Variants in ZNF638 observed in about 807,000 individuals in gnomAD.
ZNF638 encodes zinc finger protein 638.
A neutral mutation model predicts 195.6 loss-of-function variants in ZNF638; 46 were observed. The observed-to-expected ratio is 0.24, with a 90% CI of 0.19 to 0.30. ZNF638 has a LOEUF of 0.30. Ranked by LOEUF, ZNF638 falls within the 10% of genes least tolerant of loss-of-function variation. ZNF638 has a pLI of 1.00. For synonymous variants in ZNF638, 845 were observed against 772.0 expected (o/e 1.09, Z -1.57); for missense variants, 2,440 against 2,325.3 (o/e 1.05, Z -1.01).
intron 19 of ZNF638, 85 bp downstream of exon 19, chr2:71,406,347 C>A (rs974515952): frequency 4.2e-6 from 5 of 1,186,422 alleles, no homozygotes; most frequent in African/African-American, 3.0e-5. Context: ...AACTTCTGAT[C>A]TGAAGCACCT....
At chr2:71,369,737 G>A (rs2079275120) in intron 7 of ZNF638, 146 bp from the exon 8 acceptor site, 5 of 693,952 alleles carry the variant, frequency 7.2e-6, no homozygotes, top group Admixed American at 3.9e-5. Context: ...AATTATACTT[G>A]ACCAAAATAA....
chr2:71,417,249 T>A (rs1291062487), intron 20 of ZNF638, among the ~76,000 whole-genome samples: 1 of 151,638 alleles, frequency 6.6e-6, no homozygotes, highest in African/African-American at 2.4e-5. Flanking sequence ...TCCAGGTGCG[T>A]CCGTCACCCC....
At chr2:71,333,043 T>C (rs1269557705) in intron 1 of ZNF638, 2 of 152,146 alleles carry the variant, frequency 1.3e-5, no homozygotes, top group Non-Finnish European at 2.9e-5. Flanking sequence ...CAATTAAAAA[T>C]TGATAACCTG....
chr2:71,388,602 T>C (rs1159367842), intron 10 of ZNF638: 1 of 789,340 alleles, frequency 1.3e-6, no homozygotes, highest in South Asian at 1.3e-5. Context: ...TGCGTACTTT[T>C]TTCATCCGTC....
rs1172445307 is a variant in ZNF638, at chr2:71,386,648, C to G, written c.2377+6083C>G. 2.0e-5 allele frequency among the ~76,000 whole-genome samples: 3 copies of G among 151,966 alleles called. No individual in the cohort carries two copies. In the East Asian group the frequency reaches 5.8e-4, roughly 29 times the overall value. On this transcript the variant is annotated intron_variant, in intron 10 of 27. Transcript: ENST00000264447. ...TACAGTGCTATTTAATTATAATTACCCATCTTAATTCTCTAATATGTCATG... is the reference window on the plus strand; with the variant it reads ...TACAGTGCTATTTAATTATAATTACGCATCTTAATTCTCTAATATGTCATG...
In ZNF638 at chr2:71,433,270, A is replaced by G; in HGVS notation, c.5858A>G (p.Lys1953Arg). Residue 1953 changes from lysine (K) to arginine (R), a missense_variant, in exon 27 of 28, where the codon AAG (lysine) becomes AGG (arginine). Physicochemically the swap from Lys to Arg is conservative, Grantham distance 26 (BLOSUM62 2). Around this residue, in one of 5 missense-constraint regions of ZNF638, gnomAD observed 1,883 missense variants for 1,739.1 expected, o/e 1.08. Coordinates refer to ENST00000264447, the MANE Select transcript of ZNF638 (RefSeq NM_014497.5). ...MTNHCKSTRH[K>R]QNTEKFMAKQ... ...AATCACTGCAAGAGTACACGTCATA[A>G]GCAAAATACTGAGGTAATTTTAAAA... 1 of 1,610,624 alleles carries G rather than the reference A, an allele frequency of 6.2e-7. No individual in the cohort carries two copies. Among genetic ancestry groups the G allele is most frequent in the South Asian group, 1.1e-5 (1 of 90,660 alleles).
At chr2:71,376,162 C>T (rs571396151) in intron 8 of ZNF638, 1 of 152,266 alleles carries the variant, frequency 6.6e-6, no homozygotes, top group South Asian at 2.1e-4. Context: ...ATTTTCATAG[C>T]AATGAATAGG....
intron 17 of ZNF638, among the ~76,000 whole-genome samples, chr2:71,404,295 C>G (rs1029917961): frequency 6.6e-6 from 1 of 152,212 alleles, no homozygotes; most frequent in Non-Finnish European, 1.5e-5. Context: ...AACTAGAATT[C>G]TGGAAGTTAT....
At chr2:71,404,293 T>C (rs2080062240) in intron 17 of ZNF638, among the ~76,000 whole-genome samples, 1 of 152,248 alleles carries the variant, frequency 6.6e-6, no homozygotes, top group African/African-American at 2.4e-5. Context: ...TAAACTAGAA[T>C]TCTGGAAGTT....
At chr2:71,385,798 C>T (rs1168997319) in intron 10 of ZNF638, among the ~76,000 whole-genome samples, 1 of 152,090 alleles carries the variant, frequency 6.6e-6, no homozygotes, top group African/African-American at 2.4e-5. Flanking sequence ...TGTGAATTTA[C>T]AATTATCTCA....
chr2:71,372,245 AC>A (rs1348041497), intron 8 of ZNF638, among the ~76,000 whole-genome samples: 1 of 152,004 alleles, frequency 6.6e-6, no homozygotes, highest in Non-Finnish European at 1.5e-5. Context: ...GTCCTAGACT[AC>A]CTTTCAGGTT....
intron 1 of ZNF638, among the ~76,000 whole-genome samples, chr2:71,335,539 C>G (rs531856000): frequency 1.3e-5 from 2 of 150,482 alleles, no homozygotes; most frequent in East Asian, 3.9e-4. Context: ...AATATTTTTA[C>G]CAAAAAAAAA....
intron 25 of ZNF638, 81 bp from the exon 26 acceptor site, chr2:71,431,246 A>T: frequency 8.0e-7 from 1 of 1,256,534 alleles, no homozygotes; most frequent in Non-Finnish European, 1.1e-6. Context: ...TGAGAAAGAA[A>T]AAGGTAAGAA....
intron 3 of ZNF638, among the ~76,000 whole-genome samples, chr2:71,357,840 G>A (rs888000561): frequency 5.9e-5 from 9 of 151,968 alleles, no homozygotes; most frequent in Admixed American, 1.3e-4. Flanking sequence ...ATTGCACTTC[G>A]ATTTATTGTA....
intron 8 of ZNF638, among the ~76,000 whole-genome samples, chr2:71,377,475 A>G (rs943666401): frequency 5.9e-5 from 9 of 152,216 alleles, no homozygotes; most frequent in Non-Finnish European, 1.0e-4. Context: ...GCGTTAGTGA[A>G]TATTTGAGCA....
At chr2:71,351,422 G>C (rs569843474) in intron 2 of ZNF638, among the ~76,000 whole-genome samples, 8 of 152,238 alleles carry the variant, frequency 5.3e-5, no homozygotes, top group African/African-American at 1.9e-4. Context: ...CCATCAGAAG[G>C]GATAGCAAAG....
chr2:71,406,365 T>C, intron 19 of ZNF638, 103 bp downstream of exon 19: 3 of 1,017,258 alleles, frequency 2.9e-6, no homozygotes, highest in Admixed American at 2.3e-5. Context: ...CCTGTAAATA[T>C]TACTCAACCA....
chr2:71,376,641 C>A (rs2079431671), intron 8 of ZNF638, among the ~76,000 whole-genome samples: 1 of 152,128 alleles, frequency 6.6e-6, no homozygotes, highest in African/African-American at 2.4e-5. Context: ...TTAGGACTGC[C>A]TCTAACTCTA....
At chr2:71,384,129 C>CAT (rs1261542938) in intron 10 of ZNF638, among the ~76,000 whole-genome samples, 2 of 152,096 alleles carry the variant, frequency 1.3e-5, no homozygotes, top group East Asian at 3.9e-4. Context: ...GTGGCGGATC[C>CAT]ATATTAGTTT....
Sources: gnomAD v4.1 joint callset for allele counts (sites outside exome capture counted in the v4.1 genomes callset) on GRCh38, gnomAD v4.1.1 for gene constraint, gnomAD v4.1.1 regional missense constraint, MANE v1.5 for transcripts, NCBI Gene and HGNC (gene_info 2026-07-23, HGNC 2026-07-21) for gene names.